Variants in AFF3 observed in about 807,000 individuals in gnomAD.
AFF3 encodes the protein AF4/FMR2 family member 3.
A neutral mutation model predicts 129.7 loss-of-function variants in AFF3; 32 were observed. The observed-to-expected ratio is 0.25, with a 90% CI of 0.19 to 0.33. The LOEUF is 0.33. Ranked by LOEUF, AFF3 falls within the 10% of genes least tolerant of loss-of-function variation. The pLI, the probability that AFF3 is intolerant of heterozygous loss-of-function variation, is 1.00. For missense variants in AFF3, 1,373 were observed against 1,592.0 expected (o/e 0.86, Z 2.34); for synonymous variants, 644 against 635.4 (o/e 1.01, Z -0.20).
chr2:99,695,147 G>T (rs1232116363), intron 11 of AFF3, among the ~76,000 whole-genome samples: 1 of 152,050 alleles, frequency 6.6e-6, no homozygotes, highest in African/African-American at 2.4e-5. Context: ...CATTATTTTA[G>T]TGCAAAGTGT....
intron 13 of AFF3, among the ~76,000 whole-genome samples, chr2:99,604,844 T>G (rs1680174441): frequency 6.6e-6 from 1 of 152,248 alleles, no homozygotes; most frequent in South Asian, 2.1e-4. Context: ...AAGAACATTC[T>G]GATTGGTGAT....
chr2:99,871,256 C>T (rs1042824107), intron 7 of AFF3, among the ~76,000 whole-genome samples: 2 of 152,274 alleles, frequency 1.3e-5, no homozygotes, highest in African/African-American at 4.8e-5. Context: ...TATATAAAGT[C>T]AGAAACACTT....
chr2:99,641,068 C>T (rs1375005229), intron 13 of AFF3, among the ~76,000 whole-genome samples: 1 of 152,226 alleles, frequency 6.6e-6, no homozygotes, highest in Non-Finnish European at 1.5e-5. Context: ...TGCAGCCTGG[C>T]CCTGCCCAGG....
At chr2:99,910,908 G>A (rs1020299252) in intron 7 of AFF3, among the ~76,000 whole-genome samples, 54 of 152,368 alleles carry the variant, frequency 3.5e-4, no homozygotes, top group African/African-American at 1.2e-3. Context: ...GCTAACATTA[G>A]ACACTTCTCC....
chr2:99,935,473 T>C (rs368881371), intron 7 of AFF3, among the ~76,000 whole-genome samples: 1 of 152,178 alleles, frequency 6.6e-6, no homozygotes, highest in African/African-American at 2.4e-5. Flanking sequence ...AATAAGGAAG[T>C]ACTAAGAACA....
intron 7 of AFF3, among the ~76,000 whole-genome samples, chr2:99,914,637 C>G (rs185911151): frequency 6.6e-6 from 1 of 152,170 alleles, no homozygotes; most frequent in East Asian, 1.9e-4. Flanking sequence ...TCATGCTGGC[C>G]GTGTGCAGTG....
At chr2:99,934,168 C>T (rs1461108236) in intron 7 of AFF3, among the ~76,000 whole-genome samples, 1 of 152,178 alleles carries the variant, frequency 6.6e-6, no homozygotes, top group Non-Finnish European at 1.5e-5. Flanking sequence ...GACTGGGACT[C>T]AGGTCACTTC....
intron 8 of AFF3, among the ~76,000 whole-genome samples, chr2:99,789,653 G>A (rs1162709733): frequency 6.6e-6 from 1 of 151,998 alleles, no homozygotes; most frequent in Non-Finnish European, 1.5e-5. Context: ...CTGGCCTCAG[G>A]AGAGACTTTC....
chr2:99,638,590 C>A (rs1683894146), intron 13 of AFF3, among the ~76,000 whole-genome samples: 1 of 152,106 alleles, frequency 6.6e-6, no homozygotes. Flanking sequence ...AAGTAACTTG[C>A]AGGAAGTCTT....
chr2:100,113,986 G>A (rs528396041), intron 2 of AFF3, among the ~76,000 whole-genome samples: 2 of 152,214 alleles, frequency 1.3e-5, no homozygotes, highest in African/African-American at 4.8e-5. Context: ...GGGGCCAGAT[G>A]GTGAAGAGGC....
At chr2:99,766,634 A>G (rs944100105) in intron 8 of AFF3, among the ~76,000 whole-genome samples, 3 of 152,306 alleles carry the variant, frequency 2.0e-5, no homozygotes, top group Admixed American at 1.3e-4. Context: ...CCCCCCCAAA[A>G]GTTCATAGAT....
intron 7 of AFF3, chr2:100,006,080 A>G (rs1218385012): frequency 6.6e-6 from 1 of 152,354 alleles, no homozygotes; most frequent in African/African-American, 2.4e-5. Flanking sequence ...GATTTCCAAA[A>G]CATTTGAATA....
intron 11 of AFF3, among the ~76,000 whole-genome samples, chr2:99,714,331 A>G (rs1310216106): frequency 6.6e-6 from 1 of 152,098 alleles, no homozygotes. Flanking sequence ...GCAGGCCTCC[A>G]GTCTAATTTG....
At chr2:99,787,404 C>T (rs1023164196) in intron 8 of AFF3, among the ~76,000 whole-genome samples, 3 of 152,124 alleles carry the variant, frequency 2.0e-5, no homozygotes, top group East Asian at 1.9e-4. Context: ...TCCACACCTG[C>T]GCCGCCACCC....
intron 13 of AFF3, among the ~76,000 whole-genome samples, chr2:99,616,938 A>G (rs1681495193): frequency 6.6e-6 from 1 of 152,048 alleles, no homozygotes. Flanking sequence ...TGCTTCTTTC[A>G]CTTAGTGTAA....
chr2:99,635,096 T>C (rs1176305656), intron 13 of AFF3, among the ~76,000 whole-genome samples: 2 of 149,256 alleles, frequency 1.3e-5, no homozygotes, highest in African/African-American at 4.9e-5. Flanking sequence ...CACATATCTC[T>C]ATGTATATGA....
intron 8 of AFF3, among the ~76,000 whole-genome samples, chr2:99,821,321 A>C (rs1262729159): frequency 1.3e-5 from 2 of 152,192 alleles, no homozygotes; most frequent in Non-Finnish European, 1.5e-5. Flanking sequence ...ATATATAAGC[A>C]GAAGGAATAT....
At chr2:99,807,779 T>C (rs1195440977) in intron 8 of AFF3, among the ~76,000 whole-genome samples, 1 of 151,406 alleles carries the variant, frequency 6.6e-6, no homozygotes, top group Non-Finnish European at 1.5e-5. Flanking sequence ...CCTGCCAGCC[T>C]GTGGAATTAG....
At chr2:99,868,460 G>C (rs777263958) in intron 7 of AFF3, among the ~76,000 whole-genome samples, 1 of 152,148 alleles carries the variant, frequency 6.6e-6, no homozygotes, top group Non-Finnish European at 1.5e-5. Flanking sequence ...ATTGTGCCCT[G>C]AGGGAAGATG....
Sources: allele counts gnomAD v4.1 joint callset (sites outside exome capture counted in the v4.1 genomes callset), GRCh38; gene constraint gnomAD v4.1.1; transcripts MANE v1.5; gene names NCBI Gene and HGNC (gene_info 2026-07-23, HGNC 2026-07-21).